Variants in PRRX2 observed in about 807,000 individuals in gnomAD.
PRRX2 encodes the protein paired related homeobox 2, also known as paired mesoderm homeobox protein 2.
A neutral mutation model predicts 18.0 loss-of-function variants in PRRX2; 11 were observed. The observed-to-expected ratio is 0.61, with a 90% CI of 0.39 to 1.01. The LOEUF is 1.01. PRRX2 is among the 50% of genes least tolerant of loss of function. The pLI is 0.01. For missense variants in PRRX2, 387 were observed against 351.0 expected (o/e 1.10, Z -0.82); for synonymous variants, 177 against 154.8 (o/e 1.14, Z -1.06).
chr9:129,683,547 A>G (rs1190134551), intron 1 of PRRX2, among the ~76,000 whole-genome samples: 1 of 152,140 alleles, frequency 6.6e-6, no homozygotes, highest in Non-Finnish European at 1.5e-5. Context: ...CGTCCTGGCT[A>G]AAACGGTGAA....
Position 129,682,227 on chromosome 9 carries a change from G to A in PRRX2, c.259+16101G>A, listed in dbSNP as rs558936771. 2.0e-5 allele frequency among the ~76,000 whole-genome samples: 3 copies of A among 152,270 alleles called. No homozygotes were observed. The South Asian group carries it at 6.2e-4, about 32-fold the overall frequency. ...TTTCTTGGTCTGTGAGGTGGGGACG[G>A]TGACAGCACCTACTCAGAGGCGTGG... On this transcript the variant is annotated intron_variant, in intron 1 of 3. Coordinates refer to ENST00000372469, the MANE Select transcript of PRRX2 (RefSeq NM_016307.4).
At chr9:129,679,539 A>G (rs1376960863) in intron 1 of PRRX2, among the ~76,000 whole-genome samples, 1 of 152,196 alleles carries the variant, frequency 6.6e-6, no homozygotes, top group Non-Finnish European at 1.5e-5. Flanking sequence ...CAGGAAGCCA[A>G]GTTACACAGT....
intron 1 of PRRX2, among the ~76,000 whole-genome samples, chr9:129,714,834 G>C (rs901428802): frequency 6.6e-6 from 1 of 152,182 alleles, no homozygotes; most frequent in Non-Finnish European, 1.5e-5. Flanking sequence ...TGCCTCCTGT[G>C]TTGGGTGTGT....
intron 1 of PRRX2, among the ~76,000 whole-genome samples, chr9:129,713,675 G>A (rs13291352): frequency 0.02 from 3,095 of 151,036 alleles, 53 homozygotes; most frequent in Middle Eastern, 0.078. Flanking sequence ...TTGTTGCCCA[G>A]ACTGGAGTGC....
chr9:129,717,712 A>G (rs1194682069), intron 1 of PRRX2, among the ~76,000 whole-genome samples: 3 of 149,592 alleles, frequency 2.0e-5, no homozygotes, highest in Non-Finnish European at 4.4e-5. Flanking sequence ...AAAAAAAAAA[A>G]AAGAAAAAGA....
At position 129,675,846 on chromosome 9, in the gene PRRX2, G is replaced by A. The variant is rs778376075; in HGVS notation, c.259+9720G>A. On this transcript the variant is annotated intron_variant, in intron 1 of 3. Transcript: ENST00000372469. The surrounding 1 kb of genome is among the most constrained non-coding windows in gnomAD (Gnocchi z 4.4). ...CTCTCTCGCCGCCAGAGCTCTGCGC[G>A]GGCCTCCCGTATAAAACCCCGCAGA... Among the ~76,000 whole-genome samples the A allele has an allele frequency of 1.3e-5, 2 of 152,188 alleles. No individual in the cohort carries two copies. The highest frequency in any genetic ancestry group is 2.1e-4 in the South Asian group (1 of 4,834).
rs191835561 is a variant in PRRX2 at position 129,678,000 on chromosome 9, G to A, written c.259+11874G>A. 2.5e-4 allele frequency among the ~76,000 whole-genome samples: 30 copies of A among 119,660 alleles called. No homozygotes were observed. The Admixed American group carries it at 3.4e-3, about 14-fold the overall frequency. 78.5% of individuals were successfully genotyped at this position (119,660 alleles called of 152,430 possible). ...TTTTTTTGAGATGGAGTCTCACTCT[G>A]TCGCCCAGGCTGGAGTGCAGTGGCG... On this transcript the variant is annotated intron_variant, in intron 1 of 3. Coordinates refer to ENST00000372469, the MANE Select transcript of PRRX2 (RefSeq NM_016307.4).
At chr9:129,687,532 C>T (rs903295790) in intron 1 of PRRX2, among the ~76,000 whole-genome samples, 7 of 152,252 alleles carry the variant, frequency 4.6e-5, no homozygotes, top group African/African-American at 1.7e-4. Flanking sequence ...AACTTGCTTG[C>T]GCTGTACCAG....
chr9:129,710,158 C>A (rs1235952298), intron 1 of PRRX2, among the ~76,000 whole-genome samples: 1 of 152,120 alleles, frequency 6.6e-6, no homozygotes. Context: ...AGGGAGGAGA[C>A]GTTGCCAGCT....
At chr9:129,684,527 CACACA>C (rs1468894424) in intron 1 of PRRX2, among the ~76,000 whole-genome samples, 5 of 111,772 alleles carry the variant, frequency 4.5e-5, no homozygotes, top group African/African-American at 1.7e-4. Context: ...CACACACCCA[CACACA>C]CCCCAACAGA....
intron 1 of PRRX2, among the ~76,000 whole-genome samples, chr9:129,704,871 C>T (rs1182921689): frequency 6.6e-6 from 1 of 152,216 alleles, no homozygotes; most frequent in Non-Finnish European, 1.5e-5. Flanking sequence ...TGGCTCTGGG[C>T]TTTAGGAGGC....
chr9:129,703,594 A>G (rs181664247), intron 1 of PRRX2, among the ~76,000 whole-genome samples: 9 of 152,246 alleles, frequency 5.9e-5, no homozygotes, highest in Non-Finnish European at 1.0e-4. Flanking sequence ...GCTTAATAAC[A>G]GTACCCTCTG....
At chr9:129,718,976 G>A (rs1832749812) in intron 1 of PRRX2, among the ~76,000 whole-genome samples, 2 of 152,102 alleles carry the variant, frequency 1.3e-5, no homozygotes, top group Admixed American at 6.5e-5. Context: ...ACAGGGCAGG[G>A]GTGTGGCTGC....
chr9:129,704,605 G>C (rs1224022005), intron 1 of PRRX2, among the ~76,000 whole-genome samples: 1 of 152,226 alleles, frequency 6.6e-6, no homozygotes, highest in African/African-American at 2.4e-5. Context: ...CATCTCAGCA[G>C]ACAGAACTTG....
At chr9:129,712,332 T>C (rs189344550) in intron 1 of PRRX2, among the ~76,000 whole-genome samples, 6 of 152,334 alleles carry the variant, frequency 3.9e-5, no homozygotes, top group Middle Eastern at 3.4e-3. Context: ...AAATAGAGTG[T>C]GTCTCTCAAC....
chr9:129,705,068 G>A (rs75764820), intron 1 of PRRX2, among the ~76,000 whole-genome samples: 1 of 152,326 alleles, frequency 6.6e-6, no homozygotes, highest in East Asian at 1.9e-4. Flanking sequence ...GGACAGACAT[G>A]AACCCCTCTC....
At chr9:129,711,657 C>T (rs559867827) in intron 1 of PRRX2, among the ~76,000 whole-genome samples, 1 of 152,172 alleles carries the variant, frequency 6.6e-6, no homozygotes, top group Non-Finnish European at 1.5e-5. Context: ...ATTCCACTCG[C>T]CTCGGCCTCC....
rs776450200 is a variant in PRRX2 at position 129,715,103 on chromosome 9, AG to A, written c.260-4125del. On this transcript the variant is annotated intron_variant, in intron 1 of 3. Coordinates refer to ENST00000372469, the MANE Select transcript of PRRX2 (RefSeq NM_016307.4). This position sits in a 1 kb window ranked among gnomAD's most constrained non-coding sequence, Gnocchi z 4.0. ...GTCCCGGCAATGAGACCAGCTCCAC[AG>A]GGCCACCACGTGCTCCCTCCCCACT... 2.0e-5 allele frequency among the ~76,000 whole-genome samples: 3 copies of A among 152,134 alleles called. No homozygotes were observed. The highest frequency in any genetic ancestry group is 4.4e-5 in the Non-Finnish European group (3 of 68,034).
At chr9:129,687,096 A>G (rs1832307995) in intron 1 of PRRX2, among the ~76,000 whole-genome samples, 1 of 152,048 alleles carries the variant, frequency 6.6e-6, no homozygotes, top group African/African-American at 2.4e-5. Flanking sequence ...CCCTCCTCCT[A>G]CTTGGCTGAG....
Sources: allele counts gnomAD v4.1 joint callset (sites outside exome capture counted in the v4.1 genomes callset), GRCh38; gene constraint gnomAD v4.1.1; non-coding constraint Gnocchi (gnomAD v3.1); transcripts MANE v1.5; gene names NCBI Gene and HGNC (gene_info 2026-07-23, HGNC 2026-07-21).